BTRC: variants seen among roughly 807,000 people sequenced by gnomAD.
BTRC encodes the protein F-box/WD repeat-containing protein 1A.
Under a neutral mutation model 85.5 loss-of-function variants are expected in BTRC, and 42 were observed. That is an observed-to-expected ratio of 0.49 (90% CI 0.38 to 0.64). BTRC has a LOEUF of 0.64. Ranked by LOEUF, BTRC falls within the 30% of genes least tolerant of loss-of-function variation. The pLI is 0.00. For missense variants in BTRC, 594 were observed against 743.5 expected (o/e 0.80, Z 2.34); for synonymous variants, 255 against 263.3 (o/e 0.97, Z 0.30).
intron 3 of BTRC, among the ~76,000 whole-genome samples, chr10:101,465,367 C>T (rs1564789274): frequency 6.6e-6 from 1 of 152,160 alleles, no homozygotes; most frequent in Non-Finnish European, 1.5e-5. Flanking sequence ...GTTGATAGGA[C>T]ATAACTACTG....
chr10:101,522,390 A>AAAAAAAAAAAAT (rs2062126977), intron 5 of BTRC, among the ~76,000 whole-genome samples: 1 of 108,878 alleles, frequency 9.2e-6, no homozygotes, highest in Non-Finnish European at 1.9e-5. Flanking sequence ...AAAAAAAAAA[A>AAAAAAAAAAAAT]CTCTAGAAAT....
intron 4 of BTRC, among the ~76,000 whole-genome samples, chr10:101,510,657 G>T (rs757584634): frequency 6.6e-6 from 1 of 151,922 alleles, no homozygotes; most frequent in Admixed American, 6.6e-5. Context: ...TCTCCTGGCC[G>T]CAGGAGCAAG....
At chr10:101,532,212 GC>G in intron 7 of BTRC, 82 bp from the exon 8 acceptor site, 2 of 1,434,728 alleles carry the variant, frequency 1.4e-6, no homozygotes, top group East Asian at 4.6e-5. Context: ...AAAGCATTGA[GC>G]CATTGATTGT....
intron 14 of BTRC, chr10:101,551,180 TG>T (rs2062643549): frequency 8.6e-6 from 2 of 232,974 alleles, no homozygotes; most frequent in Admixed American, 1.0e-4. Flanking sequence ...AAATGAGATT[TG>T]AATCAGTTTG....
At position 101,526,118 on chromosome 10, in the gene BTRC, A is replaced by T; in HGVS notation, c.662A>T (p.Asp221Val). 2 of 1,614,142 alleles carry T rather than the reference A, an allele frequency of 1.2e-6. No homozygotes were observed. Among genetic ancestry groups the T allele is most frequent in the Non-Finnish European group, 1.7e-6 (2 of 1,180,034 alleles). The change falls in exon 6 of 15, where the codon GAT becomes GTT. Residue 221 changes from aspartate to valine, a missense_variant. By Grantham distance (152) the Asp-to-Val change is radical (BLOSUM62 -3). Transcript: ENST00000370187. ...AAGGAATGGTACCGAGTGACCTCTGATGGCATGCTGTGGAAGAAGCTTATC... is the reference window on the plus strand; with the variant it reads ...AAGGAATGGTACCGAGTGACCTCTGTTGGCATGCTGTGGAAGAAGCTTATC... The part of the protein sequence containing the change: ...VCKEWYRVTS[D>V]GMLWKKLIER...
intron 2 of BTRC, among the ~76,000 whole-genome samples, chr10:101,454,497 A>G (rs1945025817): frequency 6.6e-6 from 1 of 152,196 alleles, no homozygotes; most frequent in Non-Finnish European, 1.5e-5. Context: ...GAATCCTTCC[A>G]GGCCAGACTC....
chr10:101,366,453 C>CT (rs891720444), intron 1 of BTRC, among the ~76,000 whole-genome samples: 34 of 151,594 alleles, frequency 2.2e-4, no homozygotes, highest in African/African-American at 8.2e-4. Flanking sequence ...GCACAAAGAG[C>CT]TATAGAATTT....
At chr10:101,475,031 ATAT>A in intron 3 of BTRC, among the ~76,000 whole-genome samples, 1 of 152,302 alleles carries the variant, frequency 6.6e-6, no homozygotes, top group Non-Finnish European at 1.5e-5. Flanking sequence ...TATTTTAAAA[ATAT>A]TTATGTTTGT....
intron 1 of BTRC, among the ~76,000 whole-genome samples, chr10:101,386,833 T>C (rs1943091691): frequency 2.0e-5 from 3 of 152,204 alleles, no homozygotes; most frequent in Admixed American, 2.0e-4. Context: ...TTGTGATTTG[T>C]TTAAGAAAGC....
At chr10:101,422,218 C>G (rs1030826711) in intron 1 of BTRC, among the ~76,000 whole-genome samples, 3 of 152,142 alleles carry the variant, frequency 2.0e-5, no homozygotes, top group Non-Finnish European at 4.4e-5. Context: ...TCTCTGATGG[C>G]CAGTGATGAT....
At position 101,550,681 on chromosome 10, in the gene BTRC, T is replaced by A. The variant is rs2062635052; in HGVS notation, c.1657-18T>A. 1 of 1,605,948 alleles carries A rather than the reference T, an allele frequency of 6.2e-7. No homozygotes were observed. Among genetic ancestry groups the A allele is most frequent in the East Asian group, 2.2e-5 (1 of 44,656 alleles). Reference sequence around the variant, plus strand: ...TGAGTAGTTCAAGTTCCTACCCTTTTTGTTTCTACTTCTTTAGGAGCATTC... The same window carrying A: ...TGAGTAGTTCAAGTTCCTACCCTTTATGTTTCTACTTCTTTAGGAGCATTC... On this transcript the variant is annotated intron_variant, in intron 13 of 14. Coordinates refer to ENST00000370187, the MANE Select transcript of BTRC (RefSeq NM_033637.4).
At chr10:101,477,752 C>T (rs1415920622) in intron 3 of BTRC, among the ~76,000 whole-genome samples, 6 of 152,040 alleles carry the variant, frequency 3.9e-5, no homozygotes, top group African/African-American at 1.2e-4. Context: ...TGGGCTCAAG[C>T]GATTCTCGTC....
chr10:101,398,321 T>G (rs1943414415), intron 1 of BTRC, among the ~76,000 whole-genome samples: 1 of 152,162 alleles, frequency 6.6e-6, no homozygotes, highest in Non-Finnish European at 1.5e-5. Flanking sequence ...CTTTTTTTGT[T>G]TTTTTGAGAC....
intron 1 of BTRC, among the ~76,000 whole-genome samples, chr10:101,367,428 CT>C (rs1205254711): frequency 2.0e-5 from 3 of 151,856 alleles, no homozygotes; most frequent in Non-Finnish European, 2.9e-5. Flanking sequence ...TTAATGTGAG[CT>C]TTTTTACTAA....
At chr10:101,495,335 A>C (rs180806134) in intron 4 of BTRC, among the ~76,000 whole-genome samples, 1 of 152,346 alleles carries the variant, frequency 6.6e-6, no homozygotes, top group African/African-American at 2.4e-5. Flanking sequence ...TTCTAAGTAG[A>C]TATTTCTCTC....
intron 1 of BTRC, among the ~76,000 whole-genome samples, chr10:101,356,515 C>T (rs2134456690): frequency 6.6e-6 from 1 of 152,286 alleles, no homozygotes; most frequent in South Asian, 2.1e-4. Context: ...TGGAGATGAC[C>T]ATATAGTAGT....
intron 4 of BTRC, among the ~76,000 whole-genome samples, chr10:101,520,918 AT>A (rs2062095187): frequency 6.6e-6 from 1 of 152,092 alleles, no homozygotes; most frequent in African/African-American, 2.4e-5. Context: ...AGCCAAGATC[AT>A]GCCAGTGCAC....
chr10:101,517,899 G>GA (rs1387321304), intron 4 of BTRC, among the ~76,000 whole-genome samples: 1 of 147,136 alleles, frequency 6.8e-6, no homozygotes, highest in Non-Finnish European at 1.5e-5. Context: ...ATGGACTGTT[G>GA]AAGTAGTGTC....
intron 3 of BTRC, among the ~76,000 whole-genome samples, chr10:101,467,426 A>G (rs961121933): frequency 6.6e-6 from 1 of 150,438 alleles, no homozygotes; most frequent in Non-Finnish European, 1.5e-5. Flanking sequence ...CTTTGTTCTG[A>G]TAATTGCTCG....
Sources: allele counts gnomAD v4.1 joint callset (sites outside exome capture counted in the v4.1 genomes callset), GRCh38; gene constraint gnomAD v4.1.1; transcripts MANE v1.5; gene names NCBI Gene and HGNC (gene_info 2026-07-23, HGNC 2026-07-21).